ABCA4: variants seen among roughly 807,000 people sequenced by gnomAD.
ABCA4 encodes the protein ATP binding cassette subfamily A member 4.
ABCA4 carries 196 observed loss-of-function variants against 263.7 expected under a neutral mutation model. The ratio of observed to expected loss-of-function variants is 0.74; its 90% CI spans 0.66 to 0.84. The LOEUF (loss-of-function observed/expected upper bound fraction) is 0.84, where lower values mean the gene tolerates loss of function less well. Ranked by LOEUF, ABCA4 falls within the 40% of genes least tolerant of loss-of-function variation. The pLI, the probability that ABCA4 is intolerant of heterozygous loss-of-function variation, is 0.00. For missense variants in ABCA4, 2,792 were observed against 2,855.1 expected, an observed-to-expected ratio of 0.98 and a Z score of 0.50; for synonymous variants, 1,133 against 1,094.2, an observed-to-expected ratio of 1.04 and a Z score of -0.70.
At chr1:94,027,156 C>T (rs527370743) in intron 30 of ABCA4, among the ~76,000 whole-genome samples, 19 of 152,136 alleles carry the variant, frequency 1.2e-4, no homozygotes, top group African/African-American at 4.6e-4. Context: ...ATGGAAGGCA[C>T]GTATAATAGT....
intron 16 of ABCA4, 32 bp downstream of exon 16, chr1:94,055,079 A>G (rs1557783976): frequency 6.9e-6 from 11 of 1,599,306 alleles, no homozygotes; most frequent in Non-Finnish European, 9.4e-6. Flanking sequence ...GAAGAACTCA[A>G]TTACCTTTAC....
chr1:94,077,624 G>A (rs1039447600), intron 11 of ABCA4, 66 bp downstream of exon 11: 3 of 1,453,874 alleles, frequency 2.1e-6, no homozygotes, highest in Admixed American at 4.4e-5. Context: ...GACTTGCTAA[G>A]GGAGCTCTGG....
At chr1:94,097,099 T>G (rs1326022321) in intron 6 of ABCA4, among the ~76,000 whole-genome samples, 2 of 152,226 alleles carry the variant, frequency 1.3e-5, no homozygotes, top group Non-Finnish European at 2.9e-5. Flanking sequence ...AAGTTCTTTT[T>G]GAAACTTTGG....
intron 11 of ABCA4, among the ~76,000 whole-genome samples, chr1:94,076,182 C>A (rs565627085): frequency 2.6e-5 from 4 of 152,296 alleles, no homozygotes; most frequent in African/African-American, 9.6e-5. Flanking sequence ...GGCAGCTGAC[C>A]CAGGCCTCCC....
Position 94,047,007 on chromosome 1 carries a change from G to A in ABCA4, c.2830C>T (p.Pro944Ser), listed in dbSNP as rs1356117539. ...GTGATGTTCAGACGGTCCACAGCTG[G>A]CCGGCCACAGGGCTCAAAAATCTTT... ...LVKIFEPCGRPAVDRLNITFY... is the reference protein window; with the variant it reads ...LVKIFEPCGRSAVDRLNITFY... The change falls in exon 19 of 50, where the codon CCA (proline) becomes TCA (serine). Residue 944 changes from proline (P) to serine (S), a missense_variant. Physicochemically the swap from Pro to Ser is moderately conservative, Grantham distance 74. Transcript: ENST00000370225. The A allele has an allele frequency of 6.2e-7, 1 of 1,614,026 alleles. No individual in the cohort carries two copies. The highest frequency in any genetic ancestry group is 8.5e-7 in the Non-Finnish European group (1 of 1,180,024).
At chr1:94,098,653 T>C in intron 6 of ABCA4, 141 bp downstream of exon 6, 2 of 975,256 alleles carry the variant, frequency 2.1e-6, no homozygotes, top group Non-Finnish European at 3.2e-6. Context: ...TCAGTTGTGA[T>C]TTTTTGAGCC....
chr1:94,116,591 G>A (rs1001750287), intron 1 of ABCA4, among the ~76,000 whole-genome samples: 2 of 152,072 alleles, frequency 1.3e-5, no homozygotes, highest in African/African-American at 4.8e-5. Flanking sequence ...TGCATTTCAC[G>A]CGTCACTCCC....
chr1:94,087,666 G>T (rs1661867803), intron 6 of ABCA4, among the ~76,000 whole-genome samples: 1 of 152,170 alleles, frequency 6.6e-6, no homozygotes, highest in Non-Finnish European at 1.5e-5. Context: ...AACCTGTGGT[G>T]CTCCAAACCC....
At chr1:94,031,309 C>G (rs1324512048) in intron 27 of ABCA4, among the ~76,000 whole-genome samples, 189 bp from the exon 28 acceptor site, 4 of 152,180 alleles carry the variant, frequency 2.6e-5, no homozygotes, top group African/African-American at 9.7e-5. Flanking sequence ...CAGAAGAAAA[C>G]AGAATGTTCT....
Position 94,029,556 on chromosome 1 carries a change from C to T in ABCA4, c.4428G>A (p.Lys1476=), listed in dbSNP as rs778369394. The change falls in exon 30 of 50, where the codon AAG becomes AAA. Residue 1476 remains lysine (K), a synonymous_variant. Transcript: ENST00000370225. ...AAGGGTTGACCTGTGTCCATTTCTG[C>T]TTCTGGAACAGCTGGGTGATGTTTG... The part of the protein sequence containing the change: ...VSPNITQLFQ[K]QKWTQVNPSP... The T allele has an allele frequency of 3.1e-6, 5 of 1,613,690 alleles. No individual in the cohort carries two copies. The South Asian group carries it at 5.5e-5, about 18-fold the overall frequency.
At chr1:94,007,899 A>AG (rs1357062301) in intron 42 of ABCA4, 159 bp from the exon 43 acceptor site, 2 of 720,266 alleles carry the variant, frequency 2.8e-6, no homozygotes, top group Non-Finnish European at 5.0e-6. Context: ...CTTGAAACAC[A>AG]TCTAAGTCCC....
At chr1:94,086,600 G>A (rs1661833197) in intron 6 of ABCA4, among the ~76,000 whole-genome samples, 2 of 151,778 alleles carry the variant, frequency 1.3e-5, no homozygotes, top group Non-Finnish European at 2.9e-5. Flanking sequence ...TAAAGTACAA[G>A]GCAAAACTGT....
At chr1:93,996,304 C>T in intron 48 of ABCA4, 109 bp from the exon 49 acceptor site, 1 of 864,744 alleles carries the variant, frequency 1.2e-6, no homozygotes, top group Non-Finnish European at 1.9e-6. Context: ...TACAGCCCTG[C>T]TGGTATGGCT....
chr1:94,021,353 G>A lies in ABCA4; in HGVS notation c.4905C>T (p.His1635=). 13 of 1,614,216 alleles carry A rather than the reference G, an allele frequency of 8.1e-6. No homozygotes were observed. The highest frequency in any genetic ancestry group is 7.6e-6 in the Non-Finnish European group (9 of 1,180,040). The part of the protein sequence containing the change: ...HALVSFLNVA[H]NAILRASLPK... ...GCAGGCTGGCCCGTAAGATGGCGTT[G>A]TGGGCCACATTGAGAAAGCTGACCA... The change falls in exon 35 of 50, where the codon CAC becomes CAT. Residue 1635 remains histidine, a synonymous_variant. Coordinates refer to ENST00000370225, the MANE Select transcript of ABCA4 (RefSeq NM_000350.3).
Position 94,005,439 on chromosome 1 carries a change from A to C in ABCA4, c.6147+2T>G. 1.2e-6 allele frequency: 2 copies of C among 1,614,032 alleles called. No homozygotes were observed. The highest frequency in any genetic ancestry group is 1.7e-6 in the Non-Finnish European group (2 of 1,179,984). ...ATGTGGCCACAACAAAACATTTTTCACCTTTTCGATTTCTTCTGCTGGTAC... is the reference window on the plus strand; with the variant it reads ...ATGTGGCCACAACAAAACATTTTTCCCCTTTTCGATTTCTTCTGCTGGTAC... On this transcript the variant is annotated splice_donor_variant, in intron 44 of 49. Coordinates refer to ENST00000370225, the MANE Select transcript of ABCA4 (RefSeq NM_000350.3). LOFTEE classifies it high-confidence loss of function.
Position 94,077,711 on chromosome 1 carries a change from G to A in ABCA4, c.1533C>T (p.Arg511=), listed in dbSNP as rs1369570391. The change falls in exon 11 of 50, where the codon CGC becomes CGT. Residue 511 remains arginine (R), a synonymous_variant. Transcript: ENST00000370225. ...TTACCTCCAGGTATTGATTGACCAG[G>A]CGGAGGGTGCGATCAGTGATGTTAA... The part of the protein sequence containing the change: ...DIFNITDRTL[R]LVNQYLECLV... 1 of 1,613,502 alleles carries A rather than the reference G, an allele frequency of 6.2e-7. No individual in the cohort carries two copies. The highest frequency in any genetic ancestry group is 2.2e-5 in the East Asian group (1 of 44,856).
intron 1 of ABCA4, among the ~76,000 whole-genome samples, chr1:94,115,325 A>G (rs1662730122): frequency 6.6e-6 from 1 of 152,208 alleles, no homozygotes; most frequent in Non-Finnish European, 1.5e-5. Context: ...CCATGCGGCA[A>G]CATCTATCTG....
chr1:94,022,390 TC>T (rs1207668751), intron 32 of ABCA4, among the ~76,000 whole-genome samples: 1 of 152,178 alleles, frequency 6.6e-6, no homozygotes, highest in Non-Finnish European at 1.5e-5. Flanking sequence ...TCTCCTCCCA[TC>T]CCAGCCAAGG....
chr1:94,002,066 G>T, intron 44 of ABCA4, 74 bp from the exon 45 acceptor site: 1 of 1,608,500 alleles, frequency 6.2e-7, no homozygotes, highest in Non-Finnish European at 8.5e-7. Flanking sequence ...CAAAGCCTTG[G>T]GCTCCCAGAT....
Sources: gnomAD v4.1 joint callset for allele counts (sites outside exome capture counted in the v4.1 genomes callset) on GRCh38, gnomAD v4.1.1 for gene constraint, MANE v1.5 for transcripts, NCBI Gene and HGNC (gene_info 2026-07-23, HGNC 2026-07-21) for gene names.